CCDC169: variants seen among roughly 807,000 people sequenced by gnomAD.
CCDC169 encodes the protein coiled-coil domain-containing protein 169.
In CCDC169, 30 loss-of-function variants were observed where a neutral mutation model predicts 36.0. That is an observed-to-expected ratio of 0.83 (90% CI 0.62 to 1.13). The LOEUF (loss-of-function observed/expected upper bound fraction) is 1.13, where lower values mean the gene tolerates loss of function less well. CCDC169 is among the 50% of genes most tolerant of loss of function. The pLI, the probability that CCDC169 is intolerant of heterozygous loss-of-function variation, is 0.00. For missense variants in CCDC169, 245 were observed against 245.9 expected (o/e 1.00, Z 0.03); for synonymous variants, 85 against 81.5 (o/e 1.04, Z -0.23).
At chr13:36,259,574 A>G (rs1008595376) in intron 4 of CCDC169, among the ~76,000 whole-genome samples, 10 of 152,214 alleles carry the variant, frequency 6.6e-5, no homozygotes, top group African/African-American at 2.2e-4. Context: ...TTGGTTACAC[A>G]CTATGCAAAT....
intron 2 of CCDC169, among the ~76,000 whole-genome samples, chr13:36,286,485 G>A (rs1325356642): frequency 1.3e-5 from 2 of 152,130 alleles, no homozygotes; most frequent in African/African-American, 4.8e-5. Flanking sequence ...AGTTGCCTGG[G>A]GGAGCCATTT....
intron 4 of CCDC169, among the ~76,000 whole-genome samples, chr13:36,267,459 G>T (rs1224299980): frequency 9.2e-5 from 14 of 152,102 alleles, no homozygotes; most frequent in Non-Finnish European, 2.1e-4. Context: ...GCTAAAAGGA[G>T]TTCTAGACCT....
intron 4 of CCDC169, among the ~76,000 whole-genome samples, chr13:36,265,596 G>C (rs540604371): frequency 1.3e-5 from 2 of 152,322 alleles, no homozygotes; most frequent in African/African-American, 4.8e-5. Flanking sequence ...CAGTATATTT[G>C]CGTCTTTTAG....
rs1468384455 is a variant in CCDC169 at position 36,248,654 on chromosome 13, C to CT, written c.496dup (p.Arg166LysfsTer9). On this transcript the variant is annotated frameshift_variant, in exon 7 of 8. Coordinates refer to ENST00000239859, the MANE Select transcript of CCDC169 (RefSeq NM_001144981.3). LOFTEE classifies it high-confidence loss of function. The stretch of plus-strand genomic sequence containing the variant: ...CCTAGGCAGTTGATCCACCTGTTGC[C>CT]TTTTAGAAACTTGATGTAAACCAGA... 6.4e-7 allele frequency: 1 copy of CT among 1,550,444 alleles called. No homozygotes were observed. Among genetic ancestry groups the CT allele is most frequent in the African/African-American group, 1.4e-5 (1 of 72,960 alleles).
chr13:36,285,614 G>GATAC (rs60807853), intron 2 of CCDC169, among the ~76,000 whole-genome samples: 5,018 of 137,940 alleles, frequency 0.036, 296 homozygotes, highest in East Asian at 0.25. Context: ...TAGATAGATA[G>GATAC]ATAGATACAT....
chr13:36,229,368 G>A (rs2138369889), downstream of CCDC169, among the ~76,000 whole-genome samples: 1 of 152,100 alleles, frequency 6.6e-6, no homozygotes, highest in Middle Eastern at 3.4e-3. Context: ...AGTAGCTCCT[G>A]CAGAACCAAC....
At chr13:36,224,325 T>C (rs1157137954), downstream of CCDC169, 1 of 151,910 alleles carries the variant, frequency 6.6e-6, no homozygotes, top group Admixed American at 6.6e-5. Context: ...CATCTACATA[T>C]GAAAAGAATT....
At chr13:36,273,120 T>G (rs1432256623) in intron 4 of CCDC169, among the ~76,000 whole-genome samples, 1 of 152,216 alleles carries the variant, frequency 6.6e-6, no homozygotes, top group African/African-American at 2.4e-5. Context: ...TTTAAATCAC[T>G]CACCTGCTGA....
chr13:36,240,139 A>G (rs2138416381), intron 7 of CCDC169, among the ~76,000 whole-genome samples: 1 of 152,092 alleles, frequency 6.6e-6, no homozygotes, highest in South Asian at 2.1e-4. Flanking sequence ...CTACTGTACC[A>G]CCTTGCTTCT....
chr13:36,231,389 T>G, intron 7 of CCDC169, 97 bp from the exon 8 acceptor site: 1 of 1,203,984 alleles, frequency 8.3e-7, no homozygotes, highest in Non-Finnish European at 1.2e-6. Flanking sequence ...TTGCACCTTG[T>G]TCCCCCCAAC....
At chr13:36,232,180 T>C (rs996651239) in intron 7 of CCDC169, among the ~76,000 whole-genome samples, 1 of 152,172 alleles carries the variant, frequency 6.6e-6, no homozygotes, top group African/African-American at 2.4e-5. Flanking sequence ...ATGGTAGCCT[T>C]GAAAACCAAC....
chr13:36,242,144 C>T (rs1292118665), intron 7 of CCDC169, among the ~76,000 whole-genome samples: 1 of 152,178 alleles, frequency 6.6e-6, no homozygotes, highest in Non-Finnish European at 1.5e-5. Flanking sequence ...ATTATCCAGT[C>T]TCAGGTAGTT....
intron 4 of CCDC169, among the ~76,000 whole-genome samples, chr13:36,273,385 T>C (rs1351448183): frequency 2.0e-5 from 3 of 152,160 alleles, no homozygotes; most frequent in South Asian, 2.1e-4. Flanking sequence ...GTTTTATACA[T>C]GGGAAGAATA....
At chr13:36,284,061 AT>A (rs1481252789) in intron 2 of CCDC169, among the ~76,000 whole-genome samples, 2 of 151,902 alleles carry the variant, frequency 1.3e-5, no homozygotes, top group Non-Finnish European at 2.9e-5. Flanking sequence ...AAATACCCAT[AT>A]ATATAATATC....
intron 6 of CCDC169, among the ~76,000 whole-genome samples, 200 bp downstream of exon 6, chr13:36,253,603 G>T (rs1031372715): frequency 6.6e-6 from 1 of 152,048 alleles, no homozygotes; most frequent in East Asian, 1.9e-4. Flanking sequence ...CCAAAGTGCT[G>T]GGATTACAGG....
At position 36,231,017 on chromosome 13, in the gene CCDC169, A is replaced by G. The variant is rs1870358775; in HGVS notation, c.*176T>C. ...CTATTACATAGTTTAGGGTCACTGGAGAAAATTACTTTTATGCAGACAAAG... is the reference window on the plus strand; with the variant it reads ...CTATTACATAGTTTAGGGTCACTGGGGAAAATTACTTTTATGCAGACAAAG... On this transcript the variant is annotated 3_prime_UTR_variant, in exon 8 of 8. Transcript: ENST00000239859. 1 of 1,394,246 alleles carries G rather than the reference A, an allele frequency of 7.2e-7. No individual in the cohort carries two copies. 86.4% of individuals were successfully genotyped at this position (1,394,246 alleles called of 1,614,324 possible).
intron 4 of CCDC169, among the ~76,000 whole-genome samples, chr13:36,279,655 T>C (rs1237593096): frequency 2.0e-5 from 3 of 152,178 alleles, no homozygotes; most frequent in Non-Finnish European, 2.9e-5. Flanking sequence ...TATGGATCAC[T>C]GCCTTAAAGC....
intron 2 of CCDC169, among the ~76,000 whole-genome samples, chr13:36,285,599 A>ATAGATAGATAGATAGATAGATAGC (rs1246379604): frequency 6.9e-6 from 1 of 145,522 alleles, no homozygotes; most frequent in Non-Finnish European, 1.5e-5. Flanking sequence ...AGATAGATAG[A>ATAGATAGATAGATAGATAGATAGC]TAGATAGATA....
Position 36,256,289 on chromosome 13 carries a change from C to T in CCDC169, c.316-2146G>A, listed in dbSNP as rs764410889. Among the ~76,000 whole-genome samples the T allele has an allele frequency of 8.4e-4, 128 of 152,196 alleles. 2 individuals carry two copies. Among genetic ancestry groups the T allele is most frequent in the Non-Finnish European group, 3.8e-4 (26 of 68,006 alleles). On this transcript the variant is annotated intron_variant, in intron 4 of 7. Transcript: ENST00000239859. ...TCTCATGCTGCTATGAAGAAATACC[C>T]GACACTAGGTAATTTATAAAGAAAA...
Sources: gnomAD v4.1 joint callset for allele counts (sites outside exome capture counted in the v4.1 genomes callset) on GRCh38, gnomAD v4.1.1 for gene constraint, MANE v1.5 for transcripts, NCBI Gene and HGNC (gene_info 2026-07-23, HGNC 2026-07-21) for gene names.